Variants in TYW1B observed in about 807,000 individuals in gnomAD.
The protein encoded by TYW1B is tRNA-yW synthesizing protein 1 homolog B.
A neutral mutation model predicts 86.9 loss-of-function variants in TYW1B; 73 were observed. That is an observed-to-expected ratio of 0.84 (90% CI 0.70 to 1.02). The LOEUF is 1.02. Ranked by LOEUF, TYW1B falls within the 50% of genes least tolerant of loss-of-function variation. The pLI is 0.00. For synonymous variants in TYW1B, 248 were observed against 292.8 expected, an observed-to-expected ratio of 0.85 and a Z score of 1.56; for missense variants, 637 against 827.4, an observed-to-expected ratio of 0.77 and a Z score of 2.82.
intron 13 of TYW1B, among the ~76,000 whole-genome samples, chr7:72,601,902 G>A (rs1191216676): frequency 4.6e-5 from 7 of 152,130 alleles, no homozygotes; most frequent in Non-Finnish European, 1.0e-4. Context: ...AGTTTGGCAG[G>A]AGGGACGAAA....
intron 8 of TYW1B, among the ~76,000 whole-genome samples, chr7:72,732,464 C>T (rs1359632363): frequency 1.3e-5 from 2 of 152,126 alleles, no homozygotes; most frequent in African/African-American, 4.8e-5. Flanking sequence ...ATAAAAGGAA[C>T]TTTGGAACCT....
Position 72,827,023 on chromosome 7 carries a change from A to G in TYW1B, c.5-38T>C, listed in dbSNP as rs1302982010. On this transcript the variant is annotated intron_variant, in intron 1 of 13. Transcript: ENST00000620995. ...TGACACACACAGATAATTTCATTTA[A>G]AGCTACATATACAAAGATATCCTTC... is the stretch of plus-strand genomic sequence containing the variant. The G allele has an allele frequency of 3.8e-6, 6 of 1,581,632 alleles. No homozygotes were observed. In the African/African-American group the frequency reaches 8.2e-5, roughly 22 times the overall value.
intron 12 of TYW1B, among the ~76,000 whole-genome samples, chr7:72,617,559 G>A (rs1812107508): frequency 6.6e-6 from 1 of 152,122 alleles, no homozygotes; most frequent in Non-Finnish European, 1.5e-5. Context: ...TAGAGATGGG[G>A]TTTCGCCATG....
intron 10 of TYW1B, among the ~76,000 whole-genome samples, chr7:72,709,556 T>C (rs1175013094): frequency 6.6e-6 from 1 of 152,064 alleles, no homozygotes; most frequent in African/African-American, 2.4e-5. Context: ...TAGTCCCAGC[T>C]ACTCGGGAGG....
At position 72,692,378 on chromosome 7, in the gene TYW1B, G is replaced by A. The variant is rs560733888; in HGVS notation, c.1506+2309C>T. Reference sequence around the variant, plus strand: ...AAAAATCAAAAAATTAACTAGGCATGGCAGCATGTGCCTGTGGTCCCAGTA... The same window carrying A: ...AAAAATCAAAAAATTAACTAGGCATAGCAGCATGTGCCTGTGGTCCCAGTA... On this transcript the variant is annotated intron_variant, in intron 11 of 13. Coordinates refer to ENST00000620995, the MANE Select transcript of TYW1B (RefSeq NM_001145440.3). Among the ~76,000 whole-genome samples, 141 of 152,178 alleles carry A rather than the reference G, an allele frequency of 9.3e-4. 1 individual carries two copies. The highest frequency in any genetic ancestry group is 3.1e-3 in the African/African-American group (128 of 41,516).
At chr7:72,752,159 A>G (rs1554465192) in intron 7 of TYW1B, among the ~76,000 whole-genome samples, 2 of 152,114 alleles carry the variant, frequency 1.3e-5, no homozygotes, top group African/African-American at 4.8e-5. Context: ...CCAACATCAT[A>G]ACTCTTGGTG....
chr7:72,727,504 A>T (rs1180869079), intron 9 of TYW1B, among the ~76,000 whole-genome samples: 2 of 152,152 alleles, frequency 1.3e-5, no homozygotes, highest in African/African-American at 2.4e-5. Context: ...GTTGAATAAC[A>T]TCAACACCAA....
intron 10 of TYW1B, among the ~76,000 whole-genome samples, chr7:72,709,783 C>A (rs1371104368): frequency 2.0e-5 from 3 of 152,190 alleles, no homozygotes; most frequent in South Asian, 2.1e-4. Context: ...TTTTCAGGAT[C>A]GGAGAAATTT....
chr7:72,758,950 GT>G (rs1270085284), intron 7 of TYW1B, among the ~76,000 whole-genome samples: 2 of 152,040 alleles, frequency 1.3e-5, no homozygotes, highest in African/African-American at 4.8e-5. Context: ...TTTTCATTTG[GT>G]TTGACTCTTT....
chr7:72,591,317 AC>A (rs1288579333), intron 13 of TYW1B, among the ~76,000 whole-genome samples: 2 of 152,082 alleles, frequency 1.3e-5, no homozygotes, highest in Non-Finnish European at 2.9e-5. Flanking sequence ...TTAATGAAAG[AC>A]ATAAATATAA....
chr7:72,737,636 C>T (rs186538603), intron 8 of TYW1B, among the ~76,000 whole-genome samples: 1 of 152,316 alleles, frequency 6.6e-6, no homozygotes, highest in Admixed American at 6.5e-5. Context: ...ATTTGTCCTA[C>T]AACCTCAGTA....
chr7:72,657,738 C>G (rs201070619), intron 11 of TYW1B, among the ~76,000 whole-genome samples: 2 of 152,182 alleles, frequency 1.3e-5, no homozygotes, highest in East Asian at 3.8e-4. Context: ...TCCAGCAAAA[C>G]TATCCTTCAG....
intron 12 of TYW1B, 142 bp downstream of exon 12, chr7:72,628,745 T>C (rs1554439281): frequency 3.1e-6 from 2 of 642,872 alleles, no homozygotes; most frequent in African/African-American, 1.9e-5. Flanking sequence ...AGGTTCTTGA[T>C]GAATATCGAT....
At chr7:72,595,636 C>T (rs1290777061) in intron 13 of TYW1B, among the ~76,000 whole-genome samples, 1 of 152,046 alleles carries the variant, frequency 6.6e-6, no homozygotes, top group African/African-American at 2.4e-5. Context: ...CAAGTTGAGA[C>T]CGTGCCACTG....
intron 8 of TYW1B, among the ~76,000 whole-genome samples, chr7:72,738,876 G>C (rs1294585072): frequency 6.6e-6 from 1 of 151,930 alleles, no homozygotes; most frequent in African/African-American, 2.4e-5. Flanking sequence ...TTCGAGACCA[G>C]CTTGAGAAAC....
At chr7:72,674,209 G>A (rs71553265) in intron 11 of TYW1B, among the ~76,000 whole-genome samples, 1 of 152,120 alleles carries the variant, frequency 6.6e-6, no homozygotes, top group Non-Finnish European at 1.5e-5. Context: ...GCATTAACAA[G>A]AGCACAAGGC....
chr7:72,632,400 AATAT>A (rs781949551), intron 11 of TYW1B, among the ~76,000 whole-genome samples: 1 of 81,738 alleles, frequency 1.2e-5, no homozygotes, highest in Non-Finnish European at 2.1e-5. Context: ...ATATATATAT[AATAT>A]ATATATACAT....
intron 7 of TYW1B, among the ~76,000 whole-genome samples, chr7:72,746,325 A>G (rs1787393857): frequency 6.6e-6 from 1 of 152,178 alleles, no homozygotes; most frequent in African/African-American, 2.4e-5. Flanking sequence ...ACCTCTTCCA[A>G]GTTCCTAATA....
chr7:72,575,418 T>C lies in TYW1B; in HGVS notation c.*80A>G, dbSNP rs1315072549. 1.1e-5 allele frequency: 17 copies of C among 1,551,190 alleles called. No individual in the cohort carries two copies. In the South Asian group the frequency reaches 1.7e-4, roughly 16 times the overall value. ...AAAGTATAATTTACGTAATTCGTCC[T>C]TGGAGAATCAGAGTGGTGTTCAAGA... On this transcript the variant is annotated 3_prime_UTR_variant, in exon 14 of 14. Coordinates refer to ENST00000620995, the MANE Select transcript of TYW1B (RefSeq NM_001145440.3).
Sources: allele counts gnomAD v4.1 joint callset (sites outside exome capture counted in the v4.1 genomes callset), GRCh38; gene constraint gnomAD v4.1.1; transcripts MANE v1.5; gene names NCBI Gene and HGNC (gene_info 2026-07-23, HGNC 2026-07-21).